AMPH: variants seen among roughly 807,000 people sequenced by gnomAD.
AMPH encodes amphiphysin.
Under a neutral mutation model 99.1 loss-of-function variants are expected in AMPH, and 49 were observed. The observed-to-expected ratio is 0.49, with a 90% CI of 0.39 to 0.63. The LOEUF is 0.63. Among genes scored for constraint, AMPH ranks in the 20% least tolerant of loss-of-function variants. The probability of loss-of-function intolerance (pLI) is 0.00; values close to 1 mark genes in which losing one functional copy is unlikely to be tolerated. For missense variants in AMPH, 759 were observed against 863.4 expected, an observed-to-expected ratio of 0.88 and a Z score of 1.52; for synonymous variants, 314 against 317.3, an observed-to-expected ratio of 0.99 and a Z score of 0.11.
chr7:38,503,175 A>C (rs1789202983), intron 3 of AMPH, among the ~76,000 whole-genome samples: 1 of 152,186 alleles, frequency 6.6e-6, no homozygotes, highest in African/African-American at 2.4e-5. Context: ...TAGGGATGCA[A>C]GCGCTGCTAA....
At chr7:38,466,359 T>G (rs1447785180) in intron 7 of AMPH, 111 bp from the exon 8 acceptor site, 1 of 811,554 alleles carries the variant, frequency 1.2e-6, no homozygotes, top group East Asian at 2.8e-5. Context: ...TTACACCATT[T>G]TGAATAACTT....
chr7:38,465,747 A>G (rs563139401), intron 8 of AMPH, among the ~76,000 whole-genome samples, 198 bp from the exon 9 acceptor site: 44 of 152,372 alleles, frequency 2.9e-4, no homozygotes, highest in African/African-American at 1.1e-3. Flanking sequence ...AAACACGAGT[A>G]AACTAAATAT....
At chr7:38,569,410 A>G (rs1791861239) in intron 1 of AMPH, among the ~76,000 whole-genome samples, 1 of 152,094 alleles carries the variant, frequency 6.6e-6, no homozygotes, top group Non-Finnish European at 1.5e-5. Context: ...TATTACAAAT[A>G]TCGTATTTGT....
intron 4 of AMPH, 136 bp from the exon 5 acceptor site, chr7:38,491,281 T>A (rs1469911004): frequency 4.8e-6 from 3 of 623,408 alleles, no homozygotes; most frequent in Non-Finnish European, 8.3e-6. Flanking sequence ...AAAATGAGAA[T>A]CATTTAATAA....
At chr7:38,615,439 G>A (rs1352762286) in intron 1 of AMPH, among the ~76,000 whole-genome samples, 1 of 152,114 alleles carries the variant, frequency 6.6e-6, no homozygotes, top group Non-Finnish European at 1.5e-5. Context: ...CCAGCTCATA[G>A]AGCCCTCTTT....
intron 11 of AMPH, among the ~76,000 whole-genome samples, chr7:38,440,397 A>C (rs1255795657): frequency 6.6e-6 from 1 of 152,170 alleles, no homozygotes; most frequent in Non-Finnish European, 1.5e-5. Context: ...ACCCTCATAT[A>C]CACACTACAA....
intron 1 of AMPH, among the ~76,000 whole-genome samples, chr7:38,609,937 A>G (rs1793567563): frequency 6.6e-6 from 1 of 151,982 alleles, no homozygotes; most frequent in Non-Finnish European, 1.5e-5. Context: ...ATAATATAAA[A>G]GAAACTCAGC....
At chr7:38,421,036 C>A (rs1477342226) in intron 16 of AMPH, 2 of 456,504 alleles carry the variant, frequency 4.4e-6, no homozygotes, top group African/African-American at 2.0e-5. Context: ...AGGGCAGGAC[C>A]AAGGTTAGCA....
At chr7:38,407,905 A>G (rs995657479) in intron 17 of AMPH, among the ~76,000 whole-genome samples, 2 of 152,176 alleles carry the variant, frequency 1.3e-5, no homozygotes, top group Non-Finnish European at 2.9e-5. Context: ...TCTGCTTGAC[A>G]GTTTTGATAT....
intron 15 of AMPH, among the ~76,000 whole-genome samples, chr7:38,423,975 A>G (rs1356123125): frequency 6.6e-6 from 1 of 152,156 alleles, no homozygotes; most frequent in Non-Finnish European, 1.5e-5. Context: ...TACTTACATA[A>G]TAAATATTGA....
intron 1 of AMPH, among the ~76,000 whole-genome samples, chr7:38,624,978 A>G (rs985943127): frequency 6.6e-6 from 1 of 152,226 alleles, no homozygotes; most frequent in Non-Finnish European, 1.5e-5. Flanking sequence ...TACAGGAACA[A>G]CCAATGAAAA....
At chr7:38,421,165 C>T in intron 16 of AMPH, 1 of 416,052 alleles carries the variant, frequency 2.4e-6, no homozygotes, top group East Asian at 7.1e-5. Context: ...CTCCTAGGAC[C>T]AGCCATGGAT....
intron 1 of AMPH, among the ~76,000 whole-genome samples, chr7:38,623,738 T>G (rs1794147597): frequency 6.6e-6 from 1 of 152,214 alleles, no homozygotes; most frequent in Non-Finnish European, 1.5e-5. Flanking sequence ...GCCCATTCTT[T>G]TTATACATGC....
At chr7:38,425,977 T>G (rs775328932) in intron 15 of AMPH, among the ~76,000 whole-genome samples, 63 of 152,212 alleles carry the variant, frequency 4.1e-4, no homozygotes, top group South Asian at 8.3e-4. Context: ...TTCAAAGGAA[T>G]TTTCTGAAGA....
intron 1 of AMPH, among the ~76,000 whole-genome samples, chr7:38,545,045 C>T (rs1010964963): frequency 6.6e-6 from 1 of 152,188 alleles, no homozygotes; most frequent in Non-Finnish European, 1.5e-5. Context: ...TATTTTCTGG[C>T]AACTCTCTTT....
At chr7:38,510,541 G>A (rs564808914) in intron 2 of AMPH, among the ~76,000 whole-genome samples, 1 of 152,278 alleles carries the variant, frequency 6.6e-6, no homozygotes, top group East Asian at 1.9e-4. Context: ...AATTCTGGTA[G>A]CTCATACTCC....
intron 2 of AMPH, among the ~76,000 whole-genome samples, chr7:38,529,730 A>T (rs1465015523): frequency 6.6e-6 from 1 of 152,224 alleles, no homozygotes; most frequent in Non-Finnish European, 1.5e-5. Context: ...CTATCTCACA[A>T]GAAGGTCAAG....
intron 16 of AMPH, among the ~76,000 whole-genome samples, chr7:38,420,177 A>C (rs899200553): frequency 9.9e-5 from 15 of 152,252 alleles, no homozygotes; most frequent in Admixed American, 3.9e-4. Context: ...AGCTCACTAA[A>C]TGATGAGTAA....
chr7:38,384,379 A>G lies in AMPH; in HGVS notation c.*439T>C, dbSNP rs1784294441. The G allele has an allele frequency of 6.2e-6, 1 of 161,730 alleles. No homozygotes were observed. The highest frequency in any genetic ancestry group is 1.7e-4 in the South Asian group (1 of 5,872). 10.0% of individuals were successfully genotyped at this position (161,730 alleles called of 1,614,324 possible). On this transcript the variant is annotated 3_prime_UTR_variant, in exon 21 of 21. Transcript: ENST00000356264. ...AGCAGTTTAGTTTTAAACATAGTAA[A>G]CCTGAAAGGGAGCGAGAGCACGTGC... is the stretch of plus-strand genomic sequence containing the variant.
Sources: allele counts gnomAD v4.1 joint callset (sites outside exome capture counted in the v4.1 genomes callset), GRCh38; gene constraint gnomAD v4.1.1; transcripts MANE v1.5; gene names NCBI Gene and HGNC (gene_info 2026-07-23, HGNC 2026-07-21).